The following MTHFD2L variants were observed in gnomAD, a reference collection of about 807,000 sequenced individuals.
The protein encoded by MTHFD2L is methylenetetrahydrofolate dehydrogenase (NADP+ dependent) 2 like, also known as bifunctional methylenetetrahydrofolate dehydrogenase/cyclohydrolase 2, mitochondrial.
MTHFD2L carries 29 observed loss-of-function variants against 34.9 expected under a neutral mutation model. The ratio of observed to expected loss-of-function variants is 0.83; its 90% CI spans 0.62 to 1.13. The LOEUF (loss-of-function observed/expected upper bound fraction) is 1.13. MTHFD2L is among the 50% of genes most tolerant of loss of function. MTHFD2L has a pLI of 0.00. For synonymous variants in MTHFD2L, 167 were observed against 155.7 expected, an observed-to-expected ratio of 1.07 and a Z score of -0.54; for missense variants, 481 against 446.5, an observed-to-expected ratio of 1.08 and a Z score of -0.70.
rs1473841040 is a variant in MTHFD2L at position 74,134,374 on chromosome 4, C to T, written c.-297+8857C>T. ...GTGCTAGGGTAATCCCTTTGGTCCTCCTCCTTATGGGACAGGCAGTGCCAT... is the reference window on the plus strand; with the variant it reads ...GTGCTAGGGTAATCCCTTTGGTCCTTCTCCTTATGGGACAGGCAGTGCCAT... On this transcript the variant is annotated intron_variant, in intron 1 of 7. Coordinates refer to the MTHFD2L transcript ENST00000433372. Among the ~76,000 whole-genome samples, 3 of 152,180 alleles carry T rather than the reference C, an allele frequency of 2.0e-5. No homozygotes were observed. In the East Asian group the frequency reaches 5.8e-4, roughly 29 times the overall value.
intron 3 of MTHFD2L, among the ~76,000 whole-genome samples, chr4:74,177,951 A>G (rs566344532): frequency 1.3e-5 from 2 of 152,156 alleles, no homozygotes; most frequent in South Asian, 4.1e-4. Context: ...GTCATTTGCT[A>G]TAACATGGAA....
intron 6 of MTHFD2L, among the ~76,000 whole-genome samples, chr4:74,236,736 T>C (rs1361852326): frequency 6.6e-6 from 1 of 152,268 alleles, no homozygotes; most frequent in Non-Finnish European, 1.5e-5. Context: ...TGTCAGTAGA[T>C]GATTAAAAAT....
chr4:74,202,715 C>T (rs1246764), intron 5 of MTHFD2L, among the ~76,000 whole-genome samples: 9,675 of 152,150 alleles, frequency 0.064, 930 homozygotes, highest in African/African-American at 0.21. Flanking sequence ...ACTTTGTTTA[C>T]CATTTATTAC....
Position 74,232,404 on chromosome 4 carries a change from C to T in MTHFD2L, c.805+7010C>T, listed in dbSNP as rs566209748. ...ACTTAGATGAAAGGGATTTTTTTCT[C>T]TCAGGCCTTTATCCACCGTCCCAGT... On this transcript the variant is annotated intron_variant, in intron 6 of 7. Coordinates refer to ENST00000325278, the MANE Select transcript of MTHFD2L (RefSeq NM_001144978.3). 4.6e-5 allele frequency among the ~76,000 whole-genome samples: 7 copies of T among 152,100 alleles called. No homozygotes were observed. In the South Asian group the frequency reaches 1.5e-3, roughly 32 times the overall value.
At chr4:74,229,606 G>A (rs1412761401) in intron 6 of MTHFD2L, among the ~76,000 whole-genome samples, 1 of 152,162 alleles carries the variant, frequency 6.6e-6, no homozygotes, top group East Asian at 1.9e-4. Context: ...AGGAAATCCT[G>A]TGTGAAGATC....
chr4:74,153,320 T>A (rs1724056273), upstream of MTHFD2L, among the ~76,000 whole-genome samples: 1 of 152,204 alleles, frequency 6.6e-6, no homozygotes, highest in South Asian at 2.1e-4. Context: ...AAATGGAGCC[T>A]ATTAAATAAG....
chr4:74,248,957 G>C (rs1742901574), intron 6 of MTHFD2L, among the ~76,000 whole-genome samples: 1 of 151,206 alleles, frequency 6.6e-6, no homozygotes, highest in African/African-American at 2.4e-5. Context: ...TGTATATTCT[G>C]TTGATTTGGG....
At chr4:74,264,530 TATAG>T (rs1165735729) in intron 6 of MTHFD2L, among the ~76,000 whole-genome samples, 1 of 151,896 alleles carries the variant, frequency 6.6e-6, no homozygotes, top group Non-Finnish European at 1.5e-5. Context: ...GGATGCATAA[TATAG>T]ATAAAGGAAT....
intron 3 of MTHFD2L, chr4:74,180,629 A>C: frequency 2.5e-6 from 1 of 401,842 alleles, no homozygotes; most frequent in South Asian, 1.7e-5. Flanking sequence ...ATGAGATAGA[A>C]TTCTGTCCTG....
At chr4:74,136,144 A>G (rs1198517715) in intron 1 of MTHFD2L, among the ~76,000 whole-genome samples, 1 of 152,040 alleles carries the variant, frequency 6.6e-6, no homozygotes, top group Non-Finnish European at 1.5e-5. Context: ...CAGAGCAATT[A>G]GGTAAGAAAA....
At chr4:74,147,417 T>C (rs1723659588) in intron 1 of MTHFD2L, among the ~76,000 whole-genome samples, 1 of 152,196 alleles carries the variant, frequency 6.6e-6, no homozygotes, top group Non-Finnish European at 1.5e-5. Flanking sequence ...GGGATGTGTG[T>C]GAAGAATCTT....
In MTHFD2L at chr4:74,276,646, A is replaced by G. The variant is rs368028473; in HGVS notation, c.806-4779A>G. On this transcript the variant is annotated intron_variant, in intron 6 of 7. Transcript: ENST00000325278. ...ACAAGAATTTATATTGCATTTGTATACTTGGGGAATTAAACACATCAAGTC... is the reference window on the plus strand; with the variant it reads ...ACAAGAATTTATATTGCATTTGTATGCTTGGGGAATTAAACACATCAAGTC... Among the ~76,000 whole-genome samples the G allele has an allele frequency of 7.2e-5, 11 of 152,244 alleles. No individual in the cohort carries two copies. The South Asian group carries it at 2.1e-3, about 29-fold the overall frequency.
At chr4:74,281,204 C>G (rs1747419228) in intron 6 of MTHFD2L, among the ~76,000 whole-genome samples, 1 of 152,062 alleles carries the variant, frequency 6.6e-6, no homozygotes, top group South Asian at 2.1e-4. Flanking sequence ...AAGTGAGAGG[C>G]TAGCTCCTGC....
intron 2 of MTHFD2L, among the ~76,000 whole-genome samples, chr4:74,114,897 AAAG>A (rs1386071367): frequency 2.0e-5 from 3 of 152,150 alleles, no homozygotes; most frequent in Non-Finnish European, 2.9e-5. Context: ...CCAACCTCAA[AAAG>A]AAGGATTATT....
chr4:74,211,815 GT>G (rs1163579080), intron 5 of MTHFD2L, among the ~76,000 whole-genome samples: 8 of 146,142 alleles, frequency 5.5e-5, no homozygotes, highest in East Asian at 2.0e-4. Context: ...ATCTGGTCCT[GT>G]TTTTTTTTTG....
chr4:74,207,766 C>CT lies in MTHFD2L; in HGVS notation c.712+6412dup, dbSNP rs768932793. ...AATTAACCCCAGTTGTGAAAAAGAA[C>CT]TTTTTTTTTTTTTTTTGCCAGCCTG... On this transcript the variant is annotated intron_variant, in intron 5 of 7. Transcript: ENST00000325278. 6.0e-3 allele frequency among the ~76,000 whole-genome samples: 775 copies of CT among 128,446 alleles called. 19 individuals carry two copies. Among genetic ancestry groups the CT allele is most frequent in the African/African-American group, 0.016 (521 of 32,646 alleles). 84.3% of individuals were successfully genotyped at this position (128,446 alleles called of 152,430 possible). A position where few individuals can be genotyped will look rare whatever the true frequency, so the allele number is the denominator to read the frequency against.
chr4:74,253,712 A>G (rs1036875535), intron 6 of MTHFD2L, among the ~76,000 whole-genome samples: 1 of 152,020 alleles, frequency 6.6e-6, no homozygotes, highest in African/African-American at 2.4e-5. Flanking sequence ...TCATGCTGAC[A>G]CAGGTTTCAT....
intron 3 of MTHFD2L, among the ~76,000 whole-genome samples, chr4:74,176,735 ATTG>A (rs1170545799): frequency 6.6e-6 from 1 of 151,934 alleles, no homozygotes; most frequent in African/African-American, 2.4e-5. Flanking sequence ...ATTTAACTGA[ATTG>A]TTGTTCTGAA....
chr4:74,197,427 G>A (rs1427804498), intron 3 of MTHFD2L, among the ~76,000 whole-genome samples: 1 of 152,100 alleles, frequency 6.6e-6, no homozygotes, highest in East Asian at 1.9e-4. Flanking sequence ...TTTTGCATGT[G>A]CTTAGACAAG....
Sources: gnomAD v4.1 joint callset for allele counts (sites outside exome capture counted in the v4.1 genomes callset) on GRCh38, gnomAD v4.1.1 for gene constraint, MANE v1.5 for transcripts, NCBI Gene and HGNC (gene_info 2026-07-23, HGNC 2026-07-21) for gene names.